CATSPERD: variants seen among roughly 807,000 people sequenced by gnomAD.
CATSPERD encodes catsper channel auxiliary subunit delta, also known as cation channel sperm-associated auxiliary subunit delta.
A neutral mutation model predicts 98.1 loss-of-function variants in CATSPERD; 86 were observed. The ratio of observed to expected loss-of-function variants is 0.88; its 90% CI spans 0.74 to 1.05. The LOEUF (loss-of-function observed/expected upper bound fraction) is 1.05. Ranked by LOEUF, CATSPERD falls within the 50% of genes least tolerant of loss-of-function variation. The pLI is 0.00. For missense variants in CATSPERD, 995 were observed against 1,005.7 expected (o/e 0.99, Z 0.14); for synonymous variants, 394 against 390.2 (o/e 1.01, Z -0.12).
At position 5,733,307 on chromosome 19, in the gene CATSPERD, T is replaced by TTTTCTTTC. The variant is rs143559496; in HGVS notation, c.277-528_277-521dup. 5.1e-3 allele frequency among the ~76,000 whole-genome samples: 744 copies of TTTTCTTTC among 146,968 alleles called. 11 individuals are homozygous for TTTTCTTTC. Among genetic ancestry groups the TTTTCTTTC allele is most frequent in the African/African-American group, 0.016 (607 of 38,424 alleles). On this transcript the variant is annotated intron_variant, in intron 4 of 21. Transcript: ENST00000381624. ...CTGCGCCTGGTCTCTTTCTTTTTCT[T>TTTTCTTTC]TTTCTTTCTTTCTTTCTTTCTTTCT...
intron 18 of CATSPERD, among the ~76,000 whole-genome samples, chr19:5,769,642 T>C (rs1006262344): frequency 1.3e-5 from 2 of 152,104 alleles, no homozygotes; most frequent in African/African-American, 4.8e-5. Context: ...CAGTTACCCA[T>C]TTAGAGCTGA....
chr19:5,737,983 G>A (rs552180354), intron 6 of CATSPERD, among the ~76,000 whole-genome samples: 2 of 152,148 alleles, frequency 1.3e-5, no homozygotes, highest in African/African-American at 2.4e-5. Context: ...TTTTGGGGAC[G>A]TTTTCAGATC....
chr19:5,731,559 A>ATTTTTTTTTTT (rs1568342216), intron 4 of CATSPERD, among the ~76,000 whole-genome samples: 2 of 78,508 alleles, frequency 2.5e-5, no homozygotes, highest in African/African-American at 4.6e-5. Flanking sequence ...GACACTTAAC[A>ATTTTTTTTTTT]GTTTTTTTTT....
At position 5,733,850 on chromosome 19, in the gene CATSPERD, T is replaced by G. The variant is rs775585121; in HGVS notation, c.277-6T>G. On this transcript the variant is annotated splice_polypyrimidine_tract_variant and splice_region_variant and intron_variant, in intron 4 of 21. Transcript: ENST00000381624. Reference sequence around the variant, plus strand: ...TCATTGATATCATCCATATGATAACTTTTAGGTCGGCGTACCAGAAGTGAC... The same window carrying G: ...TCATTGATATCATCCATATGATAACGTTTAGGTCGGCGTACCAGAAGTGAC... 1.4e-5 allele frequency: 23 copies of G among 1,596,794 alleles called. No individual in the cohort carries two copies. Among genetic ancestry groups the G allele is most frequent in the Non-Finnish European group, 2.0e-5 (23 of 1,166,948 alleles).
chr19:5,743,738 T>C (rs1400339227), intron 7 of CATSPERD, among the ~76,000 whole-genome samples: 2 of 130,068 alleles, frequency 1.5e-5, no homozygotes, highest in Non-Finnish European at 3.4e-5. Context: ...CTCTGCAAGA[T>C]GTGGGAGGTA....
chr19:5,773,110 T>C (rs2056681171), intron 20 of CATSPERD, 145 bp downstream of exon 20: 1 of 787,418 alleles, frequency 1.3e-6, no homozygotes, highest in African/African-American at 1.7e-5. Context: ...TCCCAGCACT[T>C]TGGGAGGCTG....
At chr19:5,751,578 T>C in intron 11 of CATSPERD, 69 bp from the exon 12 acceptor site, 1 of 414,702 alleles carries the variant, frequency 2.4e-6, no homozygotes, top group Non-Finnish European at 3.6e-6. Flanking sequence ...ATCTGCATCA[T>C]GAAATAAAAT....
rs1599511258 is a variant in CATSPERD at position 5,729,805 on chromosome 19, C to T, written c.204-67C>T. On this transcript the variant is annotated intron_variant, in intron 3 of 21. Coordinates refer to ENST00000381624, the MANE Select transcript of CATSPERD (RefSeq NM_152784.4). ...TTTGAATGGAGACATTTTAGAGTAC[C>T]TCTATTGTCTTTTTTCTTTCCTTGT... 9 of 949,974 alleles carry T rather than the reference C, an allele frequency of 9.5e-6. No individual in the cohort carries two copies. In the East Asian group the frequency reaches 2.0e-4, roughly 21 times the overall value. The allele number at this position is 949,974 out of a possible 1,614,324, so 58.8% of individuals were successfully genotyped here.
At chr19:5,744,627 G>A in intron 8 of CATSPERD, 117 bp downstream of exon 8, 4 of 578,988 alleles carry the variant, frequency 6.9e-6, no homozygotes, top group Non-Finnish European at 1.1e-5. Flanking sequence ...TTTAGACAGA[G>A]TCTCGCTCTG....
intron 2 of CATSPERD, among the ~76,000 whole-genome samples, chr19:5,725,512 T>C (rs570381811): frequency 6.6e-6 from 1 of 152,114 alleles, no homozygotes; most frequent in Non-Finnish European, 1.5e-5. Context: ...TTTGTTTACC[T>C]CATGTAATGT....
rs542517240 is a variant in CATSPERD, at chr19:5,748,971, C to A, written c.905-130C>A. ...TCTCAAACTCCTGGCCTCAAGTGAT[C>A]CACCCCCCTCGGCCTCTCAAAGTGT... On this transcript the variant is annotated intron_variant, in intron 10 of 21. Transcript: ENST00000381624. 4.8e-5 allele frequency: 28 copies of A among 585,176 alleles called. 1 individual carries two copies. The highest frequency in any genetic ancestry group is 4.5e-4 in the South Asian group (26 of 58,246). 36.2% of individuals were successfully genotyped at this position (585,176 alleles called of 1,614,324 possible).
At chr19:5,731,237 T>C (rs1266942881) in intron 4 of CATSPERD, among the ~76,000 whole-genome samples, 1 of 152,114 alleles carries the variant, frequency 6.6e-6, no homozygotes, top group Non-Finnish European at 1.5e-5. Flanking sequence ...CCCAGCACTT[T>C]AAGAGGCTGA....
chr19:5,720,866 T>G (rs2145651764), intron 1 of CATSPERD, 58 bp downstream of exon 1: 1 of 1,466,748 alleles, frequency 6.8e-7, no homozygotes, highest in Non-Finnish European at 9.2e-7. Flanking sequence ...AGGGTGCTGG[T>G]TCATCTTGGA....
chr19:5,733,019 A>C (rs2055758911), intron 4 of CATSPERD, among the ~76,000 whole-genome samples: 1 of 147,988 alleles, frequency 6.8e-6, no homozygotes. Context: ...TTTTTTTTTC[A>C]AGACGGAGTT....
Position 5,729,920 on chromosome 19 carries a change from A to T in CATSPERD, c.252A>T (p.Pro84=). The T allele has an allele frequency of 1.3e-6, 2 of 1,597,180 alleles. No individual in the cohort carries two copies. Among genetic ancestry groups the T allele is most frequent in the South Asian group, 1.1e-5 (1 of 89,130 alleles). Residue 84 remains proline (P), a synonymous_variant, in exon 4 of 22, where the codon CCA becomes CCT. Coordinates refer to ENST00000381624, the MANE Select transcript of CATSPERD (RefSeq NM_152784.4). Reference sequence around the variant, plus strand: ...ATAACTTTGAGACTAGTCTCCTTCCATTTACCATCCCTACATCAATGCAGG... The same window carrying T: ...ATAACTTTGAGACTAGTCTCCTTCCTTTTACCATCCCTACATCAATGCAGG... ...TMDNFETSLL[P]FTIPTSMQVG...
intron 2 of CATSPERD, among the ~76,000 whole-genome samples, chr19:5,726,664 G>C (rs1035951147): frequency 7.2e-5 from 11 of 151,974 alleles, no homozygotes; most frequent in Admixed American, 3.3e-4. Flanking sequence ...TTACAGACGT[G>C]AGCCACCGCA....
intron 3 of CATSPERD, 100 bp downstream of exon 3, chr19:5,727,444 C>A: frequency 1.1e-6 from 1 of 899,406 alleles, no homozygotes; most frequent in East Asian, 2.5e-5. Context: ...ATGGCTCTGC[C>A]GTGTGTTGCT....
At chr19:5,722,546 A>T (rs1299488358) in intron 1 of CATSPERD, among the ~76,000 whole-genome samples, 1 of 152,218 alleles carries the variant, frequency 6.6e-6, no homozygotes, top group South Asian at 2.1e-4. Flanking sequence ...ATTTGTCTCG[A>T]GTTCTGAAAA....
rs1026699168 is a variant in CATSPERD at position 5,755,989 on chromosome 19, T to C, written c.1278+1744T>C. On this transcript the variant is annotated intron_variant, in intron 13 of 21. Transcript: ENST00000381624. ...GAGTAAAACCTCATCTCTTAAAAAATAAAAAAATTGTCCAGGCGCGGTGGC... is the reference window on the plus strand; with the variant it reads ...GAGTAAAACCTCATCTCTTAAAAAACAAAAAAATTGTCCAGGCGCGGTGGC... Among the ~76,000 whole-genome samples, 13 of 148,826 alleles carry C rather than the reference T, an allele frequency of 8.7e-5. 1 individual carries two copies. In the South Asian group the frequency reaches 2.1e-3, roughly 24 times the overall value.
Sources: gnomAD v4.1 joint callset for allele counts (sites outside exome capture counted in the v4.1 genomes callset) on GRCh38, gnomAD v4.1.1 for gene constraint, MANE v1.5 for transcripts, NCBI Gene and HGNC (gene_info 2026-07-23, HGNC 2026-07-21) for gene names.